The following PDCD6IP variants were observed in gnomAD, a reference collection of about 807,000 sequenced individuals.
The protein encoded by PDCD6IP is programmed cell death 6-interacting protein.
Under a neutral mutation model 103.7 loss-of-function variants are expected in PDCD6IP, and 43 were observed. The observed-to-expected ratio is 0.41, with a 90% CI of 0.32 to 0.53. The LOEUF (loss-of-function observed/expected upper bound fraction) is 0.53, where lower values mean the gene tolerates loss of function less well. Among genes scored for constraint, PDCD6IP ranks in the 20% least tolerant of loss-of-function variants. The pLI is 0.16. For synonymous variants in PDCD6IP, 354 were observed against 378.7 expected (o/e 0.93, Z 0.76); for missense variants, 871 against 1,036.7 (o/e 0.84, Z 2.20).
Position 33,864,060 on chromosome 3 carries a change from T to C in PDCD6IP, c.2175T>C (p.Pro725=). The change falls in exon 16 of 18, where the codon CCT becomes CCC. Residue 725 remains proline, a synonymous_variant. Transcript: ENST00000307296. ...REPSAPSIPT[P]AYQSSPAGGH... is the part of the protein sequence containing the mutation. The stretch of plus-strand genomic sequence containing the variant: ...CTAGTGCTCCTTCAATTCCTACACC[T>C]GCGTATCAGTCCTCACCAGCAGGAG... The C allele has an allele frequency of 6.2e-7, 1 of 1,614,114 alleles. No individual in the cohort carries two copies. The highest frequency in any genetic ancestry group is 8.5e-7 in the Non-Finnish European group (1 of 1,179,960).
At chr3:33,853,437 T>TA (rs1261208190) in intron 13 of PDCD6IP, among the ~76,000 whole-genome samples, 3 of 152,260 alleles carry the variant, frequency 2.0e-5, no homozygotes, top group African/African-American at 7.2e-5. Flanking sequence ...GCAAAGTAAA[T>TA]ATGTTGAGAA....
At chr3:33,829,600 C>T (rs1697203385) in intron 7 of PDCD6IP, among the ~76,000 whole-genome samples, 1 of 152,016 alleles carries the variant, frequency 6.6e-6, no homozygotes, top group African/African-American at 2.4e-5. Context: ...ATTATGGCAC[C>T]TGAGGCAACT....
rs201364439 is a variant in PDCD6IP, at chr3:33,815,455, G to A, written c.334+1827G>A. Among the ~76,000 whole-genome samples, 26 of 152,258 alleles carry A rather than the reference G, an allele frequency of 1.7e-4. No homozygotes were observed. The East Asian group carries it at 5.0e-3, about 29-fold the overall frequency. ...CTATTATTGCCAGTTGAACAAACTGGTTTAGAAAGATTACGTGATTTTCTG... is the reference window on the plus strand; with the variant it reads ...CTATTATTGCCAGTTGAACAAACTGATTTAGAAAGATTACGTGATTTTCTG... On this transcript the variant is annotated intron_variant, in intron 3 of 17. Coordinates refer to ENST00000307296, the MANE Select transcript of PDCD6IP (RefSeq NM_013374.6).
At chr3:33,800,588 A>C (rs1310418405) in intron 1 of PDCD6IP, among the ~76,000 whole-genome samples, 1 of 152,230 alleles carries the variant, frequency 6.6e-6, no homozygotes, top group Non-Finnish European at 1.5e-5. Context: ...GTTGGGCTGC[A>C]AGGATCATTA....
chr3:33,801,196 G>T (rs1208542601), intron 1 of PDCD6IP, among the ~76,000 whole-genome samples: 2 of 152,180 alleles, frequency 1.3e-5, no homozygotes, highest in East Asian at 3.8e-4. Flanking sequence ...TGTAAAATTA[G>T]ATGTGAATCA....
chr3:33,851,846 T>C (rs1697721071), intron 12 of PDCD6IP, among the ~76,000 whole-genome samples: 3 of 152,170 alleles, frequency 2.0e-5, no homozygotes, highest in African/African-American at 7.2e-5. Flanking sequence ...GTATATACAC[T>C]TATATCTGTA....
At chr3:33,845,398 C>G in intron 11 of PDCD6IP, 21 bp from the exon 12 acceptor site, 1 of 1,601,084 alleles carries the variant, frequency 6.2e-7, no homozygotes, top group Non-Finnish European at 8.5e-7. Context: ...CTGTGCTCTG[C>G]AAACTTTTAT....
rs200288098 is a variant in PDCD6IP at position 33,854,014 on chromosome 3, G to A, written c.2025+1G>A. 1.3e-6 allele frequency: 2 copies of A among 1,574,550 alleles called. No individual in the cohort carries two copies. Among genetic ancestry groups the A allele is most frequent in the Admixed American group, 4.0e-5 (2 of 50,578 alleles). ...AGCTAATTTGAAGGAAGGCACAAAGGTATGAAGTACATGCAAAAGGAACCA... is the reference window on the plus strand; with the variant it reads ...AGCTAATTTGAAGGAAGGCACAAAGATATGAAGTACATGCAAAAGGAACCA... On this transcript the variant is annotated splice_donor_variant, in intron 14 of 17. Transcript: ENST00000307296. LOFTEE classifies it high-confidence loss of function.
intron 10 of PDCD6IP, among the ~76,000 whole-genome samples, 180 bp downstream of exon 10, chr3:33,842,254 A>G (rs772207161): frequency 6.6e-6 from 1 of 152,160 alleles, no homozygotes; most frequent in South Asian, 2.1e-4. Context: ...TTGAGTGAGA[A>G]TGGGTTTCAT....
At chr3:33,812,185 A>C in intron 2 of PDCD6IP, 59 bp downstream of exon 2, 1 of 1,557,912 alleles carries the variant, frequency 6.4e-7, no homozygotes, top group Non-Finnish European at 8.7e-7. Context: ...CCTTCTGCCA[A>C]TATCTTCACT....
chr3:33,855,967 C>T (rs995191272), intron 15 of PDCD6IP, among the ~76,000 whole-genome samples: 1 of 152,186 alleles, frequency 6.6e-6, no homozygotes, highest in African/African-American at 2.4e-5. Context: ...CTGGGCTGCA[C>T]AGTAGGAGGT....
intron 15 of PDCD6IP, among the ~76,000 whole-genome samples, chr3:33,858,292 A>G (rs1291521964): frequency 6.6e-6 from 1 of 152,218 alleles, no homozygotes; most frequent in Non-Finnish European, 1.5e-5. Flanking sequence ...CTTGGACAGG[A>G]TGACTCAACT....
chr3:33,841,049 A>G (rs1697457537), intron 9 of PDCD6IP, among the ~76,000 whole-genome samples: 2 of 144,796 alleles, frequency 1.4e-5, no homozygotes, highest in African/African-American at 2.6e-5. Flanking sequence ...TTCCCCCGAG[A>G]CGGAGTCTCA....
In PDCD6IP at chr3:33,798,896, T is replaced by G. The variant is rs1384037186; in HGVS notation, c.168T>G (p.Arg56=). ...LSKLRRAAVG[R]PLDKHEGALE... ...AGCTGCGCCGCGCCGCAGTCGGTCG[T>G]CCGCTGGACAAGCACGAGGGCGCGC... Residue 56 remains arginine, a synonymous_variant, in exon 1 of 18, where the codon CGT becomes CGG. Transcript: ENST00000307296. 2.6e-6 allele frequency: 4 copies of G among 1,547,018 alleles called. No individual in the cohort carries two copies. Among genetic ancestry groups the G allele is most frequent in the Admixed American group, 2.0e-5 (1 of 50,944 alleles).
chr3:33,853,544 A>G (rs893436315), intron 13 of PDCD6IP, among the ~76,000 whole-genome samples: 18 of 152,348 alleles, frequency 1.2e-4, no homozygotes, highest in African/African-American at 4.1e-4. Flanking sequence ...AATTAAACAT[A>G]TATTTCTACT....
At chr3:33,821,213 T>C (rs1315825354) in intron 3 of PDCD6IP, among the ~76,000 whole-genome samples, 2 of 151,688 alleles carry the variant, frequency 1.3e-5, no homozygotes, top group Non-Finnish European at 2.9e-5. Context: ...TCTTGCTGTG[T>C]TGCTCAGGCT....
chr3:33,835,884 G>A (rs1697335402), intron 7 of PDCD6IP, among the ~76,000 whole-genome samples, 160 bp from the exon 8 acceptor site: 2 of 152,132 alleles, frequency 1.3e-5, no homozygotes, highest in South Asian at 2.1e-4. Flanking sequence ...TTTTGTGATC[G>A]GAGAATTTCC....
intron 8 of PDCD6IP, among the ~76,000 whole-genome samples, chr3:33,837,079 C>G (rs1284064704): frequency 6.6e-6 from 1 of 151,994 alleles, no homozygotes; most frequent in Admixed American, 6.5e-5. Flanking sequence ...TGCCACCTCG[C>G]CCAGCTAGTT....
At chr3:33,808,017 A>G (rs1335094396) in intron 1 of PDCD6IP, among the ~76,000 whole-genome samples, 1 of 152,190 alleles carries the variant, frequency 6.6e-6, no homozygotes, top group African/African-American at 2.4e-5. Flanking sequence ...TTCACAAACC[A>G]GAATTTTAGG....
Sources: gnomAD v4.1 joint callset for allele counts (sites outside exome capture counted in the v4.1 genomes callset) on GRCh38, gnomAD v4.1.1 for gene constraint, MANE v1.5 for transcripts, NCBI Gene and HGNC (gene_info 2026-07-23, HGNC 2026-07-21) for gene names.